The following CDH19 variants were observed in gnomAD, a reference collection of about 807,000 sequenced individuals.
The protein encoded by CDH19 is cadherin 19, also known as cadherin-19.
In CDH19, 67 loss-of-function variants were observed where a neutral mutation model predicts 64.2. That is an observed-to-expected ratio of 1.04 (90% CI 0.86 to 1.28). The LOEUF is 1.28. Among genes scored for constraint, CDH19 ranks in the 50% most tolerant of loss-of-function variants. CDH19 has a pLI of 0.00. For synonymous variants in CDH19, 346 were observed against 319.3 expected (o/e 1.08, Z -0.89); for missense variants, 1,030 against 929.0 (o/e 1.11, Z -1.41).
At chr18:66,518,132 AG>A (rs1985818457) in intron 9 of CDH19, among the ~76,000 whole-genome samples, 1 of 152,106 alleles carries the variant, frequency 6.6e-6, no homozygotes. Flanking sequence ...TTATCGATTG[AG>A]GACTATAATA....
chr18:66,532,837 C>A, intron 8 of CDH19: 3 of 397,698 alleles, frequency 7.5e-6, no homozygotes, highest in South Asian at 3.9e-5. Context: ...TTAGCAAATA[C>A]AGGCGGTCAC....
chr18:66,523,816 G>A (rs1986097413), intron 9 of CDH19, among the ~76,000 whole-genome samples: 2 of 149,054 alleles, frequency 1.3e-5, no homozygotes, highest in Admixed American at 1.4e-4. Flanking sequence ...GATCTAGGAA[G>A]AGAAGTCTTC....
At chr18:66,535,780 CAT>C (rs200073662) in intron 7 of CDH19, among the ~76,000 whole-genome samples, 4,084 of 145,722 alleles carry the variant, frequency 0.028, 120 homozygotes, top group African/African-American at 0.08. Flanking sequence ...ATACATAATA[CAT>C]ATATGTTTTA....
chr18:66,564,934 A>G (rs541293486), intron 3 of CDH19, among the ~76,000 whole-genome samples: 1 of 151,620 alleles, frequency 6.6e-6, no homozygotes, highest in African/African-American at 2.4e-5. Flanking sequence ...GGAAGATTAC[A>G]TATTTGATAG....
intron 9 of CDH19, among the ~76,000 whole-genome samples, chr18:66,513,676 T>G (rs1190141784): frequency 2.0e-5 from 3 of 151,462 alleles, no homozygotes; most frequent in Non-Finnish European, 4.4e-5. Context: ...GTTGTATTGG[T>G]TGCTATTTAC....
chr18:66,568,586 C>T lies in CDH19; in HGVS notation c.320G>A (p.Arg107Lys). The T allele has an allele frequency of 6.2e-7, 1 of 1,612,194 alleles. No homozygotes were observed. The highest frequency in any genetic ancestry group is 1.1e-5 in the South Asian group (1 of 91,052). ...TAAGATGTAGAGGGATCGCTCCTCT[C>T]TATCAAGCTTCTGTATGGCATATAT... ...GDIYAIQKLD[R>K]EERSLYILRA... is the part of the protein sequence containing the mutation. The change falls in exon 3 of 12, where the codon AGA (arginine) becomes AAA (lysine). Residue 107 changes from arginine (R) to lysine (K), a missense_variant. Coordinates refer to ENST00000262150, the MANE Select transcript of CDH19 (RefSeq NM_021153.4).
intron 1 of CDH19, among the ~76,000 whole-genome samples, chr18:66,579,760 T>C (rs1309842217): frequency 1.3e-5 from 2 of 152,076 alleles, no homozygotes; most frequent in Non-Finnish European, 2.9e-5. Context: ...AAATTTAGTC[T>C]GTATAAGGTA....
chr18:66,522,558 G>T (rs1254203273), intron 9 of CDH19, among the ~76,000 whole-genome samples: 1 of 151,984 alleles, frequency 6.6e-6, no homozygotes, highest in African/African-American at 2.4e-5. Context: ...CCAGTTATTT[G>T]TAATAGAAAC....
At chr18:66,587,020 C>T (rs1054895866) in intron 1 of CDH19, among the ~76,000 whole-genome samples, 1 of 151,958 alleles carries the variant, frequency 6.6e-6, no homozygotes, top group Non-Finnish European at 1.5e-5. Flanking sequence ...CTTAGAAGCA[C>T]CTGCATTACC....
At chr18:66,549,770 G>A (rs1987271092) in intron 5 of CDH19, among the ~76,000 whole-genome samples, 1 of 152,030 alleles carries the variant, frequency 6.6e-6, no homozygotes, top group Non-Finnish European at 1.5e-5. Flanking sequence ...GTATCATTTA[G>A]GTGTGGGCAT....
chr18:66,508,048 GA>G (rs796232629), intron 11 of CDH19, among the ~76,000 whole-genome samples: 16 of 151,938 alleles, frequency 1.1e-4, no homozygotes, highest in African/African-American at 3.9e-4. Context: ...CAGACAGAAC[GA>G]ATGCTATTTA....
intron 10 of CDH19, among the ~76,000 whole-genome samples, chr18:66,509,602 G>A (rs1020409788): frequency 3.3e-5 from 5 of 151,464 alleles, no homozygotes; most frequent in African/African-American, 7.3e-5. Context: ...TAAAACATAC[G>A]TGTAACACAG....
At chr18:66,550,247 A>C (rs995065767) in intron 5 of CDH19, among the ~76,000 whole-genome samples, 3 of 152,190 alleles carry the variant, frequency 2.0e-5, no homozygotes, top group Admixed American at 6.5e-5. Flanking sequence ...TAATTGCATA[A>C]GAAAATTTTA....
chr18:66,560,093 G>T (rs1987666412), intron 3 of CDH19, among the ~76,000 whole-genome samples: 1 of 151,998 alleles, frequency 6.6e-6, no homozygotes, highest in Non-Finnish European at 1.5e-5. Flanking sequence ...GGAGTGCAAT[G>T]GCGTGGTCTC....
At chr18:66,594,884 T>C (rs539221400) in intron 1 of CDH19, among the ~76,000 whole-genome samples, 241 of 144,616 alleles carry the variant, frequency 1.7e-3, no homozygotes, top group Non-Finnish European at 2.6e-3. Context: ...AGGGATAGCA[T>C]TGGGAGATAT....
intron 2 of CDH19, among the ~76,000 whole-genome samples, chr18:66,570,853 A>T (rs990441852): frequency 6.6e-6 from 1 of 151,562 alleles, no homozygotes; most frequent in East Asian, 1.9e-4. Context: ...ACACTGATGC[A>T]CTTCCCTATA....
chr18:66,549,901 A>G (rs1227108990), intron 5 of CDH19, among the ~76,000 whole-genome samples: 2 of 152,112 alleles, frequency 1.3e-5, no homozygotes, highest in African/African-American at 4.8e-5. Flanking sequence ...CATGGACTCA[A>G]CTACTGGAAG....
At chr18:66,597,782 G>T (rs1254653089) in intron 1 of CDH19, among the ~76,000 whole-genome samples, 3 of 152,022 alleles carry the variant, frequency 2.0e-5, no homozygotes, top group Admixed American at 2.0e-4. Flanking sequence ...ATGGGCAAAA[G>T]ATATGAACAG....
intron 1 of CDH19, among the ~76,000 whole-genome samples, chr18:66,586,719 C>G (rs1331108771): frequency 6.6e-6 from 1 of 151,924 alleles, no homozygotes; most frequent in Non-Finnish European, 1.5e-5. Flanking sequence ...ATGCTCATTT[C>G]AAAAAGGTAC....
Sources: allele counts gnomAD v4.1 joint callset (sites outside exome capture counted in the v4.1 genomes callset), GRCh38; gene constraint gnomAD v4.1.1; transcripts MANE v1.5; gene names NCBI Gene and HGNC (gene_info 2026-07-23, HGNC 2026-07-21).